Variants in ACTR3B observed in about 807,000 individuals in gnomAD.
The protein encoded by ACTR3B is actin related protein 3B.
Under a neutral mutation model 59.0 loss-of-function variants are expected in ACTR3B, and 8 were observed. The observed-to-expected ratio is 0.14, with a 90% CI of 0.08 to 0.24. The LOEUF (loss-of-function observed/expected upper bound fraction) is 0.24, where lower values mean the gene tolerates loss of function less well. ACTR3B is among the 10% of genes least tolerant of loss of function. The pLI, the probability that ACTR3B is intolerant of heterozygous loss-of-function variation, is 1.00. For missense variants in ACTR3B, 245 were observed against 552.3 expected (o/e 0.44, Z 5.58); for synonymous variants, 148 against 197.9 (o/e 0.75, Z 2.12).
chr7:152,808,911 A>G (rs34819605), intron 4 of ACTR3B, among the ~76,000 whole-genome samples: 16 of 152,178 alleles, frequency 1.1e-4, no homozygotes, highest in Admixed American at 2.0e-4. Flanking sequence ...TATTAGGCCC[A>G]CTTTTCAGAT....
intron 10 of ACTR3B, 70 bp downstream of exon 10, chr7:152,852,321 C>T: frequency 1.3e-6 from 2 of 1,526,744 alleles, no homozygotes; most frequent in Non-Finnish European, 1.7e-6. Flanking sequence ...CCTCCTGACA[C>T]AGAGCCGAAG....
chr7:152,803,097 A>T (rs545803254), intron 4 of ACTR3B, among the ~76,000 whole-genome samples: 2 of 152,152 alleles, frequency 1.3e-5, no homozygotes, highest in South Asian at 4.2e-4. Flanking sequence ...TCCAGGTTGG[A>T]GTTCTGTGGC....
chr7:152,855,175 T>C lies in ACTR3B; in HGVS notation c.*622T>C, dbSNP rs1799158991. 1.3e-5 allele frequency: 2 copies of C among 152,760 alleles called. No homozygotes were observed. The highest frequency in any genetic ancestry group is 1.3e-4 in the Admixed American group (2 of 15,298). The allele number at this position is 152,760 out of a possible 1,614,324, so 9.5% of individuals were successfully genotyped here. ...TTGCCACATGTTTGCTAGAAAATGATTATACTTTATTGGAGTGACATGAAG... is the reference window on the plus strand; with the variant it reads ...TTGCCACATGTTTGCTAGAAAATGACTATACTTTATTGGAGTGACATGAAG... On this transcript the variant is annotated 3_prime_UTR_variant, in exon 12 of 12. Coordinates refer to ENST00000256001, the MANE Select transcript of ACTR3B (RefSeq NM_020445.6).
intron 1 of ACTR3B, among the ~76,000 whole-genome samples, chr7:152,773,509 C>T (rs2116547352): frequency 6.6e-6 from 1 of 152,078 alleles, no homozygotes; most frequent in Admixed American, 6.5e-5. Context: ...ATCGCTTGAA[C>T]CCGGGAGGTG....
rs371805261 is a variant in ACTR3B, at chr7:152,847,714, G to C, written c.952-4412G>C. The stretch of plus-strand genomic sequence containing the variant: ...CAGTTCTGTGGTCGCACCTAGCTGT[G>C]GGAGAGGCCCCTCGTGGCTCTGAGC... On this transcript the variant is annotated intron_variant, in intron 9 of 11. Transcript: ENST00000256001. Among the ~76,000 whole-genome samples, 67 of 152,296 alleles carry C rather than the reference G, an allele frequency of 4.4e-4. No individual in the cohort carries two copies. The East Asian group carries it at 0.011, about 25-fold the overall frequency.
intron 2 of ACTR3B, among the ~76,000 whole-genome samples, chr7:152,799,742 C>T (rs1179509990): frequency 3.3e-5 from 5 of 152,080 alleles, no homozygotes; most frequent in Non-Finnish European, 7.3e-5. Flanking sequence ...GTGTTGATGT[C>T]GAGACCTGAT....
chr7:152,767,231 A>T (rs1192874900), intron 1 of ACTR3B, among the ~76,000 whole-genome samples: 1 of 151,720 alleles, frequency 6.6e-6, no homozygotes, highest in Non-Finnish European at 1.5e-5. Context: ...TGTCCTGTTT[A>T]TCTCAACATA....
In ACTR3B at chr7:152,852,830, C is replaced by T. The variant is rs548500748; in HGVS notation, c.1077+579C>T. Among the ~76,000 whole-genome samples, 7 of 152,042 alleles carry T rather than the reference C, an allele frequency of 4.6e-5. No homozygotes were observed. In the South Asian group the frequency reaches 1.2e-3, roughly 27 times the overall value. On this transcript the variant is annotated intron_variant, in intron 10 of 11. Transcript: ENST00000256001. Reference sequence around the variant, plus strand: ...TTCTTGAGACAGAGTCTCTCTCTGTCGCCCAGGCTGGAGTGCAGTGGTGAG... The same window carrying T: ...TTCTTGAGACAGAGTCTCTCTCTGTTGCCCAGGCTGGAGTGCAGTGGTGAG...
chr7:152,784,282 G>T (rs1240013763), intron 2 of ACTR3B, among the ~76,000 whole-genome samples: 1 of 152,156 alleles, frequency 6.6e-6, no homozygotes, highest in Non-Finnish European at 1.5e-5. Flanking sequence ...GTAATAACAG[G>T]CTTTGTGAAC....
intron 11 of ACTR3B, 78 bp downstream of exon 11, chr7:152,853,655 G>A: frequency 8.3e-7 from 1 of 1,205,530 alleles, no homozygotes; most frequent in South Asian, 1.3e-5. Context: ...GTCTACGAAG[G>A]TGAAATAGTG....
chr7:152,853,556 A>C lies in ACTR3B; in HGVS notation c.1140A>C (p.Gly380=). 6.2e-7 allele frequency: 1 copy of C among 1,613,584 alleles called. No individual in the cohort carries two copies. The highest frequency in any genetic ancestry group is 1.3e-5 in the African/African-American group (1 of 74,862). ...HHMQRYAVWF[G]GSMLASTPEF... ...TGCAGCGCTACGCCGTGTGGTTCGG[A>C]GGCTCCATGCTGGCCTCGACTGTAA... is the stretch of plus-strand genomic sequence containing the variant. Residue 380 remains glycine (G), a synonymous_variant, in exon 11 of 12, where the codon GGA becomes GGC. Coordinates refer to ENST00000256001, the MANE Select transcript of ACTR3B (RefSeq NM_020445.6).
At chr7:152,787,958 C>T (rs944011233) in intron 2 of ACTR3B, among the ~76,000 whole-genome samples, 7 of 151,936 alleles carry the variant, frequency 4.6e-5, no homozygotes, top group African/African-American at 1.7e-4. Flanking sequence ...GAGTTTCACT[C>T]TTGTTGCCTA....
chr7:152,848,655 G>T (rs1477986598), intron 9 of ACTR3B, among the ~76,000 whole-genome samples: 1 of 152,214 alleles, frequency 6.6e-6, no homozygotes, highest in Non-Finnish European at 1.5e-5. Flanking sequence ...CCAGGGGTCA[G>T]TTGAGGCTTA....
At chr7:152,805,775 A>C (rs1436608368) in intron 4 of ACTR3B, among the ~76,000 whole-genome samples, 1 of 152,214 alleles carries the variant, frequency 6.6e-6, no homozygotes, top group Non-Finnish European at 1.5e-5. Context: ...CACCTCCTGC[A>C]CGTACTTTCC....
intron 4 of ACTR3B, among the ~76,000 whole-genome samples, chr7:152,809,428 C>A (rs2098262443): frequency 1.3e-5 from 2 of 152,168 alleles, no homozygotes; most frequent in Admixed American, 6.5e-5. Flanking sequence ...TCGCCTCTTT[C>A]CTGCCTAGAG....
At chr7:152,814,280 T>G (rs1563120956) in intron 4 of ACTR3B, 2 of 379,524 alleles carry the variant, frequency 5.3e-6, no homozygotes, top group South Asian at 2.7e-5. Context: ...GTTACGTTAT[T>G]GAAGATAAGA....
chr7:152,772,448 C>T (rs1459725127), intron 1 of ACTR3B, among the ~76,000 whole-genome samples: 1 of 152,154 alleles, frequency 6.6e-6, no homozygotes, highest in Admixed American at 6.6e-5. Flanking sequence ...TGGTGTGGAT[C>T]TAAGAGTTCA....
chr7:152,850,112 CT>C (rs1307370773), intron 9 of ACTR3B, among the ~76,000 whole-genome samples: 1 of 151,686 alleles, frequency 6.6e-6, no homozygotes, highest in Non-Finnish European at 1.5e-5. Context: ...TCACTGGTCA[CT>C]TCTCCAGGTA....
intron 2 of ACTR3B, among the ~76,000 whole-genome samples, chr7:152,787,381 G>T (rs1483070089): frequency 1.3e-5 from 2 of 151,838 alleles, no homozygotes; most frequent in Non-Finnish European, 2.9e-5. Context: ...TGAATTTTTC[G>T]CAGATACTTT....
Sources: allele counts gnomAD v4.1 joint callset (sites outside exome capture counted in the v4.1 genomes callset), GRCh38; gene constraint gnomAD v4.1.1; transcripts MANE v1.5; gene names NCBI Gene and HGNC (gene_info 2026-07-23, HGNC 2026-07-21).